The following MYO1C variants were observed in gnomAD, a reference collection of about 807,000 sequenced individuals.
MYO1C encodes unconventional myosin-Ic.
A neutral mutation model predicts 150.8 loss-of-function variants in MYO1C; 104 were observed. The ratio of observed to expected loss-of-function variants is 0.69; its 90% confidence interval spans 0.59 to 0.81. MYO1C has a LOEUF of 0.81. Among genes scored for constraint, MYO1C ranks in the 30% least tolerant of loss-of-function variants. The pLI, the probability that MYO1C is intolerant of heterozygous loss-of-function variation, is 0.00. For missense variants in MYO1C, 1,504 were observed against 1,435.0 expected, an observed-to-expected ratio of 1.05 and a Z score of -0.78; for synonymous variants, 663 against 579.9, an observed-to-expected ratio of 1.14 and a Z score of -2.06.
intron 14 of MYO1C, 178 bp downstream of exon 14, chr17:1,477,327 G>C (rs2074419627): frequency 1.5e-6 from 1 of 651,926 alleles, no homozygotes; most frequent in African/African-American, 1.8e-5. Flanking sequence ...CTCCAGGCGT[G>C]TCAGCATGCC....
chr17:1,469,892 G>A (rs948300911), intron 24 of MYO1C, among the ~76,000 whole-genome samples: 4 of 152,086 alleles, frequency 2.6e-5, no homozygotes, highest in South Asian at 2.1e-4. Flanking sequence ...AAAATTAGCC[G>A]GGCGTAGTGG....
At chr17:1,485,718 C>T (rs1292259773) in intron 1 of MYO1C, 13 of 1,173,670 alleles carry the variant, frequency 1.1e-5, no homozygotes, top group African/African-American at 8.1e-5. Flanking sequence ...GCATCCTGCC[C>T]GGCCGGCCTG....
chr17:1,477,844 T>A, intron 13 of MYO1C, 47 bp downstream of exon 13: 2 of 1,546,632 alleles, frequency 1.3e-6, no homozygotes, highest in Non-Finnish European at 1.8e-6. Flanking sequence ...GGGGACATCC[T>A]CCCACCCAGC....
Position 1,475,681 on chromosome 17 carries a change from C to T in MYO1C, c.1575-649G>A, listed in dbSNP as rs986488760. ...CCCAAGAGAGCACTTAAGTCTTAGGCGTGTTTATACCCTTTCACCCATTTG... is the reference window on the plus strand; with the variant it reads ...CCCAAGAGAGCACTTAAGTCTTAGGTGTGTTTATACCCTTTCACCCATTTG... On this transcript the variant is annotated intron_variant, in intron 14 of 31. Transcript: ENST00000648651. 5.3e-5 allele frequency among the ~76,000 whole-genome samples: 8 copies of T among 152,208 alleles called. No individual in the cohort carries two copies. In the East Asian group the frequency reaches 5.8e-4, roughly 11 times the overall value.
intron 1 of MYO1C, 23 bp from the exon 2 acceptor site, chr17:1,484,326 G>A (rs1162121669): frequency 2.5e-6 from 4 of 1,606,356 alleles, no homozygotes. Context: ...GGCCACAGAA[G>A]AGGGTCAGAG....
chr17:1,476,834 CTTGTT>C (rs1268317788), intron 14 of MYO1C, among the ~76,000 whole-genome samples: 3 of 151,776 alleles, frequency 2.0e-5, no homozygotes, highest in Non-Finnish European at 2.9e-5. Flanking sequence ...CTACTAGTGT[CTTGTT>C]TTTTGTTTTT....
chr17:1,487,072 C>T (rs2074669763), intron 1 of MYO1C: 1 of 152,456 alleles, frequency 6.6e-6, no homozygotes, highest in Non-Finnish European at 1.5e-5. Flanking sequence ...TTCTGTTCTT[C>T]ATCCCTAACA....
In MYO1C at chr17:1,471,205, G is replaced by A. The variant is rs56188875; in HGVS notation, c.2135+18C>T. Reference sequence around the variant, plus strand: ...CCACTCCCATTCCCCGCAGGCACCCGGCACGGACACTACCCACCTGCCCAT... The same window carrying A: ...CCACTCCCATTCCCCGCAGGCACCCAGCACGGACACTACCCACCTGCCCAT... On this transcript the variant is annotated intron_variant, in intron 20 of 31. Transcript: ENST00000648651. 6.1e-3 allele frequency: 9,903 copies of A among 1,613,806 alleles called. 55 individuals carry two copies. The highest frequency in any genetic ancestry group is 7.2e-3 in the Non-Finnish European group (8,541 of 1,179,842).
At chr17:1,488,076 G>T (rs944905203) in intron 1 of MYO1C, among the ~76,000 whole-genome samples, 5 of 152,136 alleles carry the variant, frequency 3.3e-5, no homozygotes, top group South Asian at 2.1e-4. Flanking sequence ...AGGCGTGGGG[G>T]ACTCGGGCCG....
intron 1 of MYO1C, chr17:1,491,620 G>A (rs1184577580): frequency 1.0e-6 from 1 of 981,354 alleles, no homozygotes; most frequent in Non-Finnish European, 1.2e-6. Context: ...CTTCCGGCGC[G>A]GGCGGGGCCG....
chr17:1,472,334 T>C, intron 17 of MYO1C, 106 bp from the exon 18 acceptor site: 4 of 933,300 alleles, frequency 4.3e-6, no homozygotes, highest in Non-Finnish European at 6.7e-6. Flanking sequence ...CAGCAGCCTC[T>C]GATTCTGCCT....
chr17:1,469,260 A>C (rs45502305), intron 25 of MYO1C: 3 of 496,406 alleles, frequency 6.0e-6, no homozygotes, highest in East Asian at 3.7e-5. Flanking sequence ...GGGTAAATAC[A>C]GTAGATTGCG....
In MYO1C at chr17:1,470,481, G is replaced by A. The variant is rs778821222; in HGVS notation, c.2320C>T (p.Arg774Trp). 1.5e-5 allele frequency: 23 copies of A among 1,551,026 alleles called. No individual in the cohort carries two copies. Among genetic ancestry groups the A allele is most frequent in the East Asian group, 4.9e-5 (2 of 40,996 alleles). Residue 774 changes from arginine to tryptophan, a missense_variant, in exon 23 of 32, where the codon CGG becomes TGG. Arg to Trp is a moderately radical substitution (Grantham distance 101). Transcript: ENST00000648651. Reference sequence around the variant, plus strand: ...CACTTCCTCTTGGCTGCCTTCCTCCGGCCCAGTGTTCCACGCCACCACGAC... The same window carrying A: ...CACTTCCTCTTGGCTGCCTTCCTCCAGCCCAGTGTTCCACGCCACCACGAC... ...IQSWWRGTLGRRKAAKRKWAA... is the reference protein window; with the variant it reads ...IQSWWRGTLGWRKAAKRKWAA...
chr17:1,480,885 C>T lies in MYO1C; in HGVS notation c.628G>A (p.Gly210Ser), dbSNP rs1189878248. The T allele has an allele frequency of 6.2e-7, 1 of 1,613,864 alleles. No individual in the cohort carries two copies. The highest frequency in any genetic ancestry group is 1.3e-5 in the African/African-American group (1 of 75,032). ...AGGATGTGGCCACCCACGGGGGCACCCTGTGGGCAGGGCAGGGCATGAGGC... is the reference window on the plus strand; with the variant it reads ...AGGATGTGGCCACCCACGGGGGCACTCTGTGGGCAGGGCAGGGCATGAGGC... ...KYMDVQFDFK[G>S]APVGGHILSY... The change falls in exon 6 of 32, where the codon GGT (glycine) becomes AGT (serine). Residue 210 changes from glycine to serine, a missense_variant and splice_region_variant. Gly to Ser is a moderately conservative substitution (Grantham distance 56). Transcript: ENST00000648651.
intron 1 of MYO1C, among the ~76,000 whole-genome samples, chr17:1,486,523 G>GT (rs34636701): frequency 0.19 from 27,720 of 145,146 alleles, 3,543 homozygotes; most frequent in African/African-American, 0.36. Context: ...TTTTTTTTCT[G>GT]TTTTTTTTTT....
chr17:1,477,646 G>T, intron 13 of MYO1C, 50 bp from the exon 14 acceptor site: 2 of 1,441,086 alleles, frequency 1.4e-6, no homozygotes, highest in South Asian at 1.1e-5. Context: ...AGGTCAGAGC[G>T]CACAGAGGAT....
rs765986879 is a variant in MYO1C at position 1,479,461 on chromosome 17, T to C, written c.1062A>G (p.Thr354=). Residue 354 remains threonine, a synonymous_variant, in exon 9 of 32, where the codon ACA becomes ACG. Transcript: ENST00000648651. This position sits in a 1 kb window ranked among gnomAD's most constrained non-coding sequence, Gnocchi z 4.2. ...CCCCCTTGGCGATGATCTTCCTGTG[T>C]GTCAGGGCTTCTCGCAGCGTCGAGC... The part of the protein sequence containing the change: ...VEGSTLREAL[T]HRKIIAKGEE... 15 of 1,512,114 alleles carry C rather than the reference T, an allele frequency of 9.9e-6. No homozygotes were observed. The East Asian group carries it at 3.4e-4, about 34-fold the overall frequency. The allele number at this position is 1,512,114 out of a possible 1,614,324, so 93.7% of individuals were successfully genotyped here.
intron 17 of MYO1C, among the ~76,000 whole-genome samples, chr17:1,474,137 G>T (rs1007318727): frequency 6.6e-5 from 10 of 151,906 alleles, no homozygotes; most frequent in African/African-American, 1.9e-4. Flanking sequence ...ACACAAGTAG[G>T]CAAACAGGGA....
In MYO1C at chr17:1,470,758, G is replaced by A. The variant is rs756244882; in HGVS notation, c.2213-69C>T. On this transcript the variant is annotated intron_variant, in intron 21 of 31. Coordinates refer to ENST00000648651, the MANE Select transcript of MYO1C (RefSeq NM_001080779.2). ...CAGCTGGGAGCCTGGTGCCGTGTGC[G>A]CTCCACGAGTGGCATGAATGGGAGA... 6 of 1,484,556 alleles carry A rather than the reference G, an allele frequency of 4.0e-6. No homozygotes were observed. The African/African-American group carries it at 6.9e-5, about 17-fold the overall frequency. The allele number at this position is 1,484,556 out of a possible 1,614,324, so 92.0% of individuals were successfully genotyped here.
Sources: gnomAD v4.1 joint callset for allele counts (sites outside exome capture counted in the v4.1 genomes callset) on GRCh38, gnomAD v4.1.1 for gene constraint, Gnocchi (gnomAD v3.1) non-coding constraint, MANE v1.5 for transcripts, NCBI Gene and HGNC (gene_info 2026-07-23, HGNC 2026-07-21) for gene names.